LRP1B: variants seen among roughly 807,000 people sequenced by gnomAD.
LRP1B encodes the protein low-density lipoprotein receptor-related protein 1B.
In LRP1B, 217 loss-of-function variants were observed where a neutral mutation model predicts 556.6. The observed-to-expected ratio is 0.39, with a 90% CI of 0.35 to 0.44. LRP1B has a LOEUF of 0.44. Ranked by LOEUF, LRP1B falls within the 20% of genes least tolerant of loss-of-function variation. LRP1B has a pLI of 1.00. For missense variants in LRP1B, 5,053 were observed against 5,620.8 expected (o/e 0.90, Z 3.23); for synonymous variants, 2,047 against 1,865.8 (o/e 1.10, Z -2.50).
At chr2:142,116,717 T>C (rs1707289170) in intron 1 of LRP1B, among the ~76,000 whole-genome samples, 1 of 152,198 alleles carries the variant, frequency 6.6e-6, no homozygotes, top group Non-Finnish European at 1.5e-5. Context: ...ACAAATTTTC[T>C]GTAAGTCTAA....
At chr2:140,522,126 A>G (rs1411992792) in intron 49 of LRP1B, among the ~76,000 whole-genome samples, 5 of 152,052 alleles carry the variant, frequency 3.3e-5, no homozygotes, top group Non-Finnish European at 7.4e-5. Context: ...CTACCGTAGC[A>G]TATACATTCT....
chr2:140,792,395 T>C (rs1485038043), intron 32 of LRP1B, among the ~76,000 whole-genome samples: 2 of 152,204 alleles, frequency 1.3e-5, no homozygotes, highest in Non-Finnish European at 2.9e-5. Flanking sequence ...TTGACAATCC[T>C]GTTTTATCTT....
intron 43 of LRP1B, among the ~76,000 whole-genome samples, chr2:140,588,333 T>C (rs1356678115): frequency 6.6e-6 from 1 of 152,190 alleles, no homozygotes; most frequent in Non-Finnish European, 1.5e-5. Context: ...TTTCTATGCT[T>C]CGCTTTACTG....
rs186362441 is a variant in LRP1B, at chr2:141,234,538, G to A, written c.593-5098C>T. Among the ~76,000 whole-genome samples, 380 of 151,874 alleles carry A rather than the reference G, an allele frequency of 2.5e-3. 1 individual carries two copies. Among genetic ancestry groups the A allele is most frequent in the African/African-American group, 8.6e-3 (358 of 41,436 alleles). On this transcript the variant is annotated intron_variant, in intron 5 of 90. Transcript: ENST00000389484. ...ACTACACACTTGCACCACCATGCCC[G>A]ATTAATTTTTGTATTTTTAGTAGAG...
At chr2:141,637,932 T>C (rs571408409) in intron 2 of LRP1B, among the ~76,000 whole-genome samples, 31 of 152,224 alleles carry the variant, frequency 2.0e-4, no homozygotes, top group Admixed American at 1.6e-3. Flanking sequence ...AAAAGAACTT[T>C]AAATATATCT....
At chr2:141,487,761 G>T (rs577813283) in intron 2 of LRP1B, among the ~76,000 whole-genome samples, 1 of 152,140 alleles carries the variant, frequency 6.6e-6, no homozygotes, top group East Asian at 1.9e-4. Flanking sequence ...TCAAGGTTAG[G>T]CTCAAACCCT....
chr2:142,117,630 A>G (rs1707320227), intron 1 of LRP1B, among the ~76,000 whole-genome samples: 3 of 151,772 alleles, frequency 2.0e-5, no homozygotes, highest in Non-Finnish European at 2.9e-5. Flanking sequence ...TGTGTGTGAG[A>G]GAGAGAGAGA....
intron 3 of LRP1B, among the ~76,000 whole-genome samples, chr2:141,384,943 G>A (rs987691529): frequency 2.0e-5 from 3 of 152,106 alleles, no homozygotes; most frequent in African/African-American, 7.2e-5. Context: ...AAATTGGGTG[G>A]AGGCTCCAAG....
rs1450312423 is a variant in LRP1B at position 141,242,474 on chromosome 2, C to T, written c.592+4752G>A. Among the ~76,000 whole-genome samples, 4 of 152,054 alleles carry T rather than the reference C, an allele frequency of 2.6e-5. No individual in the cohort carries two copies. In the East Asian group the frequency reaches 7.7e-4, roughly 29 times the overall value. On this transcript the variant is annotated intron_variant, in intron 5 of 90. Transcript: ENST00000389484. ...CCCAACACTGTCTAGAAACATGCTTCCTTCAATTATACAGGGACTACAATT... is the reference window on the plus strand; with the variant it reads ...CCCAACACTGTCTAGAAACATGCTTTCTTCAATTATACAGGGACTACAATT...
chr2:140,676,967 C>G (rs1685692260), intron 41 of LRP1B, among the ~76,000 whole-genome samples: 1 of 152,032 alleles, frequency 6.6e-6, no homozygotes, highest in African/African-American at 2.4e-5. Flanking sequence ...ATCAATGTGC[C>G]AAAAACAAAT....
chr2:141,381,660 A>G (rs1451240968), intron 3 of LRP1B, among the ~76,000 whole-genome samples: 1 of 152,162 alleles, frequency 6.6e-6, no homozygotes, highest in East Asian at 1.9e-4. Flanking sequence ...TGATTTACAT[A>G]CAAGAGAAGC....
intron 35 of LRP1B, among the ~76,000 whole-genome samples, chr2:140,731,791 G>T (rs373038846): frequency 1.6e-4 from 16 of 102,826 alleles, no homozygotes; most frequent in East Asian, 6.6e-4. Flanking sequence ...AAAAAAAAAA[G>T]AAGCAGCAAC....
At chr2:140,642,827 G>A (rs1460582439) in intron 41 of LRP1B, among the ~76,000 whole-genome samples, 1 of 152,110 alleles carries the variant, frequency 6.6e-6, no homozygotes, top group Non-Finnish European at 1.5e-5. Flanking sequence ...CTGGGCGACA[G>A]AGCGAGACTC....
intron 3 of LRP1B, among the ~76,000 whole-genome samples, chr2:141,445,222 T>G (rs1681141607): frequency 6.6e-6 from 1 of 152,238 alleles, no homozygotes; most frequent in South Asian, 2.1e-4. Context: ...CATAGAGTTG[T>G]TTACAATATT....
intron 79 of LRP1B, among the ~76,000 whole-genome samples, chr2:140,327,705 GAAAGGAAGAAAA>G (rs1680564010): frequency 1.3e-5 from 2 of 151,950 alleles, no homozygotes; most frequent in African/African-American, 4.8e-5. Flanking sequence ...GATAATCACA[GAAAGGAAGAAAA>G]CAGTGAGTAT....
At chr2:140,313,878 T>C (rs1031937004) in intron 83 of LRP1B, among the ~76,000 whole-genome samples, 9 of 151,918 alleles carry the variant, frequency 5.9e-5, no homozygotes, top group Admixed American at 5.9e-4. Flanking sequence ...AAACTCCTGA[T>C]TTTTTCAGAA....
chr2:141,837,543 T>G (rs1697327283), intron 1 of LRP1B, among the ~76,000 whole-genome samples: 1 of 152,082 alleles, frequency 6.6e-6, no homozygotes, highest in South Asian at 2.1e-4. Flanking sequence ...AAGCACTAAT[T>G]GATTATCTTT....
At chr2:142,076,374 G>T (rs1705502338) in intron 1 of LRP1B, among the ~76,000 whole-genome samples, 1 of 152,058 alleles carries the variant, frequency 6.6e-6, no homozygotes, top group South Asian at 2.1e-4. Context: ...CATTTAGAAA[G>T]AATTTCTGTA....
At chr2:141,417,794 T>C (rs1018810911) in intron 3 of LRP1B, among the ~76,000 whole-genome samples, 1 of 150,258 alleles carries the variant, frequency 6.7e-6, no homozygotes, top group African/African-American at 2.4e-5. Flanking sequence ...CTCCATACTG[T>C]TTTAGATAGG....
Sources: gnomAD v4.1 joint callset for allele counts (sites outside exome capture counted in the v4.1 genomes callset) on GRCh38, gnomAD v4.1.1 for gene constraint, MANE v1.5 for transcripts, NCBI Gene and HGNC (gene_info 2026-07-23, HGNC 2026-07-21) for gene names.